Variants in RECK observed in about 807,000 individuals in gnomAD.
RECK encodes reversion-inducing cysteine-rich protein with Kazal motifs.
RECK carries 69 observed loss-of-function variants against 115.1 expected under a neutral mutation model. The ratio of observed to expected loss-of-function variants is 0.60; its 90% CI spans 0.49 to 0.73. RECK has a LOEUF of 0.73. Ranked by LOEUF, RECK falls within the 30% of genes least tolerant of loss-of-function variation. The pLI is 0.00. For synonymous variants in RECK, 414 were observed against 419.7 expected (o/e 0.99, Z 0.17); for missense variants, 1,047 against 1,203.7 (o/e 0.87, Z 1.93).
intron 2 of RECK, among the ~76,000 whole-genome samples, chr9:36,054,318 A>C (rs894475656): frequency 6.6e-6 from 1 of 152,150 alleles, no homozygotes; most frequent in East Asian, 1.9e-4. Context: ...AGTGAAAACC[A>C]CTATGTGAAG....
intron 1 of RECK, among the ~76,000 whole-genome samples, chr9:36,051,036 A>G (rs1388554597): frequency 6.6e-6 from 1 of 152,144 alleles, no homozygotes; most frequent in African/African-American, 2.4e-5. Context: ...GTATATATAC[A>G]TATATAGTTT....
intron 10 of RECK, among the ~76,000 whole-genome samples, chr9:36,098,271 T>C (rs1340315593): frequency 2.0e-5 from 3 of 152,226 alleles, no homozygotes; most frequent in African/African-American, 7.2e-5. Flanking sequence ...TTTAATTAGC[T>C]TAATTTAGCC....
chr9:36,071,083 G>A (rs1381054029), intron 6 of RECK, among the ~76,000 whole-genome samples: 1 of 152,166 alleles, frequency 6.6e-6, no homozygotes, highest in African/African-American at 2.4e-5. Context: ...AACAGATGCT[G>A]GCTGTAAACC....
intron 6 of RECK, 39 bp from the exon 7 acceptor site, chr9:36,080,566 T>G: frequency 6.6e-7 from 1 of 1,515,364 alleles, no homozygotes; most frequent in Non-Finnish European, 9.1e-7. Flanking sequence ...TTCTCTCTGG[T>G]TGTTAATTTC....
intron 13 of RECK, among the ~76,000 whole-genome samples, chr9:36,106,108 G>A (rs1823799608): frequency 6.6e-6 from 1 of 151,082 alleles, no homozygotes; most frequent in Non-Finnish European, 1.5e-5. Flanking sequence ...TACTCGGGAG[G>A]CTGAGGCAGG....
chr9:36,088,745 G>A (rs1188463237), intron 9 of RECK, among the ~76,000 whole-genome samples: 1 of 152,232 alleles, frequency 6.6e-6, no homozygotes, highest in Non-Finnish European at 1.5e-5. Context: ...AAGGTCGGGC[G>A]CGGTGGCTCA....
At position 36,058,749 on chromosome 9, in the gene RECK, CTAGAGGATAATAAGT is replaced by C. The variant is rs541382370; in HGVS notation, c.160-76_160-62del. 1,807 of 796,208 alleles carry C rather than the reference CTAGAGGATAATAAGT, an allele frequency of 2.3e-3. 18 individuals carry two copies. The African/African-American group carries it at 0.025, about 11-fold the overall frequency. 49.3% of individuals were successfully genotyped at this position (796,208 alleles called of 1,614,324 possible). ...AAAATATTCTAGACAACTGATAAAT[CTAGAGGATAATAAGT>C]TTTACCTCTTCTTATTTCTTATAGA... is the stretch of plus-strand genomic sequence containing the variant. On this transcript the variant is annotated intron_variant, in intron 2 of 20. Transcript: ENST00000377966.
chr9:36,099,815 T>C (rs1823495105), intron 10 of RECK, among the ~76,000 whole-genome samples: 1 of 152,098 alleles, frequency 6.6e-6, no homozygotes, highest in African/African-American at 2.4e-5. Context: ...TATGGTGATA[T>C]AAGTATAAAT....
At chr9:36,056,932 GC>G (rs1235611816) in intron 2 of RECK, 5 of 975,674 alleles carry the variant, frequency 5.1e-6, no homozygotes, top group African/African-American at 3.5e-5. Flanking sequence ...GAGGAAAATG[GC>G]TAATAAATAA....
intron 9 of RECK, among the ~76,000 whole-genome samples, chr9:36,089,848 G>A (rs1823095323): frequency 6.6e-6 from 1 of 152,030 alleles, no homozygotes; most frequent in South Asian, 2.1e-4. Flanking sequence ...AGAAAGTTAA[G>A]GACTAGCCAG....
chr9:36,114,633 G>A (rs976366768), intron 16 of RECK, among the ~76,000 whole-genome samples: 1 of 152,130 alleles, frequency 6.6e-6, no homozygotes, highest in Non-Finnish European at 1.5e-5. Context: ...CAGGCAGATC[G>A]CTTGAGCTCA....
At chr9:36,061,261 C>T (rs1029423372) in intron 4 of RECK, among the ~76,000 whole-genome samples, 1 of 151,956 alleles carries the variant, frequency 6.6e-6, no homozygotes, top group African/African-American at 2.4e-5. Flanking sequence ...CCTTATGTAT[C>T]TCTGAATTCT....
Position 36,091,341 on chromosome 9 carries a change from CA to C in RECK, c.1084del (p.Arg362GlyfsTer18). On this transcript the variant is annotated frameshift_variant and splice_region_variant, in exon 10 of 21. Transcript: ENST00000377966. LOFTEE classifies it high-confidence loss of function. ...NLTYCTNFNN[R>X]PTELFRSCNA... The stretch of plus-strand genomic sequence containing the variant: ...TTACTTACTGTACTAATTTTAACAA[CA>C]GGTAAGACAAATTATTATACATGGA... 6.7e-7 allele frequency: 1 copy of C among 1,492,400 alleles called. No homozygotes were observed. The highest frequency in any genetic ancestry group is 8.9e-7 in the Non-Finnish European group (1 of 1,121,328). 92.4% of individuals were successfully genotyped at this position (1,492,400 alleles called of 1,614,324 possible).
chr9:36,083,706 A>T (rs1176628329), intron 8 of RECK, 144 bp downstream of exon 8: 1 of 913,680 alleles, frequency 1.1e-6, no homozygotes, highest in Non-Finnish European at 1.6e-6. Context: ...TGGCAGATTG[A>T]ATAATATTGT....
chr9:36,082,941 C>T (rs895289824), intron 7 of RECK, among the ~76,000 whole-genome samples: 4 of 151,998 alleles, frequency 2.6e-5, no homozygotes, highest in Non-Finnish European at 4.4e-5. Context: ...GTTTATAAAC[C>T]TCTACAAATC....
In RECK at chr9:36,117,321, G is replaced by A. The variant is rs775683392; in HGVS notation, c.2253+144G>A. On this transcript the variant is annotated intron_variant, in intron 17 of 20. Transcript: ENST00000377966. Reference sequence around the variant, plus strand: ...TAGCACCCAGTCCTCCACTAAAAAGGAAGACTGGCTCCTTCTCCTAACTCT... The same window carrying A: ...TAGCACCCAGTCCTCCACTAAAAAGAAAGACTGGCTCCTTCTCCTAACTCT... The A allele has an allele frequency of 1.4e-4, 85 of 618,756 alleles. No homozygotes were observed. In the Middle Eastern group the frequency reaches 2.7e-3, roughly 20 times the overall value. 38.3% of individuals were successfully genotyped at this position (618,756 alleles called of 1,614,324 possible). A position where few individuals can be genotyped will look rare whatever the true frequency, so the allele number is the denominator to read the frequency against.
intron 10 of RECK, among the ~76,000 whole-genome samples, chr9:36,091,925 CAA>C (rs1478356106): frequency 4.6e-5 from 7 of 151,952 alleles, no homozygotes; most frequent in African/African-American, 1.2e-4. Flanking sequence ...CATACAGAAG[CAA>C]GAGAGAGAGA....
Position 36,105,247 on chromosome 9 carries a change from T to C in RECK, c.1540T>C (p.Ser514Pro), listed in dbSNP as rs766125231. The part of the protein sequence containing the change: ...LCEVNRKGCP[S>P]GDPCLPYFCV... Reference sequence around the variant, plus strand: ...TGAAGTAAACCGAAAAGGATGTCCATCTGGAGATCCCTGTCTTCCATACTT... The same window carrying C: ...TGAAGTAAACCGAAAAGGATGTCCACCTGGAGATCCCTGTCTTCCATACTT... The change falls in exon 13 of 21, where the codon TCT becomes CCT. Residue 514 changes from serine to proline, a missense_variant. Physicochemically the swap from Ser to Pro is moderately conservative, Grantham distance 74. Coordinates refer to ENST00000377966, the MANE Select transcript of RECK (RefSeq NM_021111.3). 2.5e-6 allele frequency: 4 copies of C among 1,613,972 alleles called. No homozygotes were observed. Among genetic ancestry groups the C allele is most frequent in the Non-Finnish European group, 3.4e-6 (4 of 1,179,948 alleles).
chr9:36,066,335 G>A (rs1326574911), intron 6 of RECK, among the ~76,000 whole-genome samples: 4 of 152,092 alleles, frequency 2.6e-5, no homozygotes, highest in Non-Finnish European at 4.4e-5. Context: ...GTAGTGTAAG[G>A]CTATGTAATT....
Sources: gnomAD v4.1 joint callset for allele counts (sites outside exome capture counted in the v4.1 genomes callset) on GRCh38, gnomAD v4.1.1 for gene constraint, MANE v1.5 for transcripts, NCBI Gene and HGNC (gene_info 2026-07-23, HGNC 2026-07-21) for gene names.